PCBD1: variants seen among roughly 807,000 people sequenced by gnomAD.
The protein encoded by PCBD1 is pterin-4 alpha-carbinolamine dehydratase 1.
In PCBD1, 16 loss-of-function variants were observed where a neutral mutation model predicts 12.6. The ratio of observed to expected loss-of-function variants is 1.27; its 90% CI spans 0.86 to 1.93. PCBD1 has a LOEUF of 1.93. Ranked by LOEUF, PCBD1 falls within the 30% of genes most tolerant of loss-of-function variation. The probability of loss-of-function intolerance (pLI) is 0.00; values close to 1 mark genes in which losing one functional copy is unlikely to be tolerated. For missense variants in PCBD1, 86 were observed against 130.1 expected (o/e 0.66, Z 1.65); for synonymous variants, 53 against 50.2 (o/e 1.05, Z -0.23).
intron 1 of PCBD1, 105 bp downstream of exon 1, chr10:70,888,426 G>T: frequency 7.5e-7 from 1 of 1,331,552 alleles, no homozygotes; most frequent in Non-Finnish European, 9.9e-7. Flanking sequence ...CGGCGGCTCC[G>T]CAGGGGACTC....
At position 70,886,035 on chromosome 10, in the gene PCBD1, C is replaced by T. The variant is rs116408702; in HGVS notation, c.4-106G>A. On this transcript the variant is annotated intron_variant, in intron 1 of 3. Coordinates refer to ENST00000299299, the MANE Select transcript of PCBD1 (RefSeq NM_000281.4). ...CTTAGCTTCCACTGGCTGCTTTGGA[C>T]GTGGGTGACCAAAGGGCAGCAGGTC... 1.6e-3 allele frequency: 2,317 copies of T among 1,438,310 alleles called. 47 individuals are homozygous for T. In the African/African-American group the frequency reaches 0.029, roughly 18 times the overall value. 89.1% of individuals were successfully genotyped at this position (1,438,310 alleles called of 1,614,324 possible).
rs1344104493 is a variant in PCBD1 at position 70,885,206 on chromosome 10, G to A, written c.162C>T (p.Ala54=). 6.2e-7 allele frequency: 1 copy of A among 1,614,000 alleles called. No individual in the cohort carries two copies. Among genetic ancestry groups the A allele is most frequent in the Non-Finnish European group, 8.5e-7 (1 of 1,179,944 alleles). Reference sequence around the variant, plus strand: ...GGTGGTCCAGTTTCTCAGCCTGCAGGGCCACTCTTGTCATGAACCCAAAGG... The same window carrying A: ...GGTGGTCCAGTTTCTCAGCCTGCAGAGCCACTCTTGTCATGAACCCAAAGG... ...NRAFGFMTRV[A]LQAEKLDHHP... The change falls in exon 3 of 4, where the codon GCC becomes GCT. Residue 54 remains alanine (A), a synonymous_variant. Coordinates refer to ENST00000299299, the MANE Select transcript of PCBD1 (RefSeq NM_000281.4).
intron 2 of PCBD1, 146 bp downstream of exon 2, chr10:70,885,652 T>C: frequency 9.8e-7 from 1 of 1,023,874 alleles, no homozygotes; most frequent in Non-Finnish European, 1.5e-6. Flanking sequence ...GGAAAATTAA[T>C]TTCCCCACTG....
At chr10:70,888,469 A>T in intron 1 of PCBD1, 62 bp downstream of exon 1, 3 of 1,453,032 alleles carry the variant, frequency 2.1e-6, no homozygotes, top group Non-Finnish European at 2.7e-6. Context: ...TCCCGCTCCC[A>T]CCTCGCCCGC....
rs1236773280 is a variant in PCBD1 at position 70,885,807 on chromosome 10, G to A, written c.126C>T (p.Asp42=). ...CACCCTGGTGCCATACCCTGTTGAA[G>A]TCTTTGAAATGAAACTGCTTGAAGA... ...DAIFKQFHFK[D]FNRAFGFMTR... The change falls in exon 2 of 4, where the codon GAC becomes GAT. Residue 42 remains aspartate (D), a synonymous_variant. Coordinates refer to ENST00000299299, the MANE Select transcript of PCBD1 (RefSeq NM_000281.4). The A allele has an allele frequency of 7.4e-6, 12 of 1,614,058 alleles. No individual in the cohort carries two copies. The highest frequency in any genetic ancestry group is 2.2e-5 in the East Asian group (1 of 44,880).
chr10:70,884,307 C>A (rs1846547658), intron 3 of PCBD1, among the ~76,000 whole-genome samples: 1 of 152,106 alleles, frequency 6.6e-6, no homozygotes, highest in South Asian at 2.1e-4. Context: ...AAGCTAAAGA[C>A]AAAACCAAAA....
downstream of PCBD1, among the ~76,000 whole-genome samples, chr10:70,883,065 G>C (rs560382864): frequency 1.3e-5 from 2 of 152,270 alleles, no homozygotes; most frequent in East Asian, 3.9e-4. Flanking sequence ...CTAGACATAG[G>C]TTCCACAATG....
chr10:70,886,050 G>T, intron 1 of PCBD1, 121 bp from the exon 2 acceptor site: 1 of 1,315,870 alleles, frequency 7.6e-7, no homozygotes, highest in South Asian at 1.3e-5. Flanking sequence ...GTGACCAAAG[G>T]GCAGCAGGTC....
At chr10:70,888,366 TC>T in intron 1 of PCBD1, 164 bp downstream of exon 1, 1 of 706,158 alleles carries the variant, frequency 1.4e-6, no homozygotes, top group Non-Finnish European at 2.0e-6. Flanking sequence ...CAGCTTCCCC[TC>T]CCCGCCGCCA....
intron 1 of PCBD1, among the ~76,000 whole-genome samples, chr10:70,886,533 A>G (rs1846587170): frequency 6.6e-6 from 1 of 152,208 alleles, no homozygotes; most frequent in Non-Finnish European, 1.5e-5. Context: ...GTGTGTCAGC[A>G]TTGCTGGGGC....
intron 1 of PCBD1, 38 bp from the exon 2 acceptor site, chr10:70,885,967 C>T: frequency 6.2e-7 from 1 of 1,609,832 alleles, no homozygotes; most frequent in South Asian, 1.1e-5. Flanking sequence ...AAGGGCATTT[C>T]TCTTTATAGG....
At chr10:70,886,887 TAGG>T (rs1846592820) in intron 1 of PCBD1, among the ~76,000 whole-genome samples, 1 of 152,206 alleles carries the variant, frequency 6.6e-6, no homozygotes, top group Non-Finnish European at 1.5e-5. Context: ...AGTTTCATCC[TAGG>T]AGGATCCAGG....
downstream of PCBD1, chr10:70,882,434 A>C (rs1181338638): frequency 6.6e-6 from 1 of 152,254 alleles, no homozygotes; most frequent in East Asian, 1.9e-4. Context: ...AAGCTGGAGA[A>C]CCAGGAAAGC....
intron 1 of PCBD1, chr10:70,888,281 A>G: frequency 5.4e-6 from 2 of 370,132 alleles, no homozygotes; most frequent in South Asian, 1.2e-4. Context: ...CGGAACAAGC[A>G]CTGGCCGGGG....
intron 3 of PCBD1, 79 bp from the exon 4 acceptor site, chr10:70,884,127 CTGCT>C: frequency 2.1e-6 from 3 of 1,449,050 alleles, no homozygotes; most frequent in African/African-American, 1.4e-5. Flanking sequence ...GGGCTCAGCC[CTGCT>C]AGGAGCTCCA....
intron 1 of PCBD1, 86 bp downstream of exon 1, chr10:70,888,444 CT>C (rs1846623643): frequency 1.4e-6 from 2 of 1,417,258 alleles, no homozygotes; most frequent in South Asian, 1.4e-5. Context: ...CTCGAAAAGA[CT>C]TTCCCCCGCC....
chr10:70,888,219 G>A, intron 1 of PCBD1: 1 of 303,994 alleles, frequency 3.3e-6, no homozygotes, highest in Non-Finnish European at 6.0e-6. Flanking sequence ...ACTCCTCCAC[G>A]ACTGTCTTCC....
intron 1 of PCBD1, chr10:70,888,322 G>T: frequency 4.4e-6 from 2 of 449,656 alleles, no homozygotes; most frequent in Non-Finnish European, 7.3e-6. Context: ...CAACTGGGTG[G>T]GATTCGAACC....
chr10:70,888,535 G>C lies in PCBD1; in HGVS notation c.-2C>G. The C allele has an allele frequency of 7.9e-7, 1 of 1,263,566 alleles. No homozygotes were observed. Among genetic ancestry groups the C allele is most frequent in the Non-Finnish European group, 1.0e-6 (1 of 1,003,240 alleles). The allele number at this position is 1,263,566 out of a possible 1,614,324, so 78.3% of individuals were successfully genotyped here. On this transcript the variant is annotated 5_prime_UTR_variant, in exon 1 of 4. Transcript: ENST00000299299. ...GCCGCGCACCCCTGGACTCACCATG[G>C]CGCGGGCGGCAGCAGGTGGCCAGCG...
Sources: gnomAD v4.1 joint callset for allele counts (sites outside exome capture counted in the v4.1 genomes callset) on GRCh38, gnomAD v4.1.1 for gene constraint, MANE v1.5 for transcripts, NCBI Gene and HGNC (gene_info 2026-07-23, HGNC 2026-07-21) for gene names.